The following KCNT2 variants were observed in gnomAD, a reference collection of about 807,000 sequenced individuals.
KCNT2 encodes the protein potassium sodium-activated channel subfamily T member 2.
Under a neutral mutation model 153.8 loss-of-function variants are expected in KCNT2, and 67 were observed. The observed-to-expected ratio is 0.44, with a 90% CI of 0.36 to 0.53. KCNT2 has a LOEUF of 0.53. Among genes scored for constraint, KCNT2 ranks in the 20% least tolerant of loss-of-function variants. The probability of loss-of-function intolerance (pLI) is 0.00; values close to 1 mark genes in which losing one functional copy is unlikely to be tolerated. For missense variants in KCNT2, 975 were observed against 1,354.8 expected, an observed-to-expected ratio of 0.72 and a Z score of 4.40; for synonymous variants, 500 against 458.8, an observed-to-expected ratio of 1.09 and a Z score of -1.15.
chr1:196,385,551 C>T (rs1572253698), intron 13 of KCNT2, among the ~76,000 whole-genome samples: 1 of 151,696 alleles, frequency 6.6e-6, no homozygotes, highest in East Asian at 1.9e-4. Context: ...AATCGCCAAA[C>T]AGAAAATAAG....
chr1:196,235,910 G>C (rs984495611), intron 27 of KCNT2, 76 bp downstream of exon 27: 2 of 868,366 alleles, frequency 2.3e-6, no homozygotes, highest in Middle Eastern at 4.8e-4. Flanking sequence ...GGCTATTATG[G>C]CCTAAATATA....
At chr1:196,378,665 A>G (rs1669181245) in intron 13 of KCNT2, among the ~76,000 whole-genome samples, 2 of 149,548 alleles carry the variant, frequency 1.3e-5, no homozygotes, top group Admixed American at 6.7e-5. Context: ...TATGTATTAT[A>G]TATATTTATA....
chr1:196,346,039 T>A (rs1666113078), intron 14 of KCNT2, among the ~76,000 whole-genome samples: 1 of 152,158 alleles, frequency 6.6e-6, no homozygotes. Flanking sequence ...TTTATTTTTT[T>A]AAATCTGGAA....
In KCNT2 at chr1:196,557,069, A is replaced by G. The variant is rs149272217; in HGVS notation, c.95+51146T>C. 6.7e-4 allele frequency among the ~76,000 whole-genome samples: 101 copies of G among 151,300 alleles called. 1 individual carries two copies. Among genetic ancestry groups the G allele is most frequent in the African/African-American group, 2.3e-3 (96 of 41,462 alleles). On this transcript the variant is annotated intron_variant, in intron 1 of 27. Transcript: ENST00000294725. ...GAGTTAGGAAAAATGAATAAGACTT[A>G]GTATTTGACAGCACAAGAGGGGGTC...
At chr1:196,511,460 A>C (rs1409694496) in intron 1 of KCNT2, among the ~76,000 whole-genome samples, 1 of 152,232 alleles carries the variant, frequency 6.6e-6, no homozygotes, top group Admixed American at 6.5e-5. Context: ...AATAGATGTT[A>C]CAGGCACTTA....
rs185256952 is a variant in KCNT2, at chr1:196,482,020, T to C, written c.324+311A>G. Among the ~76,000 whole-genome samples, 39 of 152,256 alleles carry C rather than the reference T, an allele frequency of 2.6e-4. No individual in the cohort carries two copies. In the East Asian group the frequency reaches 5.4e-3, roughly 21 times the overall value. On this transcript the variant is annotated intron_variant, in intron 4 of 27. Coordinates refer to ENST00000294725, the MANE Select transcript of KCNT2 (RefSeq NM_198503.5). ...GCTTTGAGTAACCTTAAAGGAATCA[T>C]ATAACAGGAATACTTAATGTAGTTT...
chr1:196,593,384 C>G (rs182911206), intron 1 of KCNT2, among the ~76,000 whole-genome samples: 1 of 147,970 alleles, frequency 6.8e-6, no homozygotes, highest in Non-Finnish European at 1.5e-5. Flanking sequence ...TTTTCTTTAT[C>G]CACTCATTGA....
At chr1:196,257,872 A>G in intron 26 of KCNT2, 2 of 984,282 alleles carry the variant, frequency 2.0e-6, no homozygotes, top group Non-Finnish European at 2.4e-6. Context: ...TGATAATTAG[A>G]AGGCTACCTG....
chr1:196,379,051 G>C (rs1669226604), intron 13 of KCNT2, among the ~76,000 whole-genome samples: 1 of 151,590 alleles, frequency 6.6e-6, no homozygotes, highest in Non-Finnish European at 1.5e-5. Flanking sequence ...ACTAGGGTTT[G>C]TCTGATGGGA....
intron 1 of KCNT2, among the ~76,000 whole-genome samples, chr1:196,599,955 C>G (rs1664526635): frequency 6.6e-6 from 1 of 152,136 alleles, no homozygotes; most frequent in Non-Finnish European, 1.5e-5. Context: ...TCAAGAGAGA[C>G]AAATAAGTCT....
At chr1:196,552,845 A>G (rs1209925351) in intron 1 of KCNT2, among the ~76,000 whole-genome samples, 1 of 151,304 alleles carries the variant, frequency 6.6e-6, no homozygotes, top group African/African-American at 2.4e-5. Context: ...TTAAGTTGTC[A>G]GCAGTTTAAA....
At chr1:196,258,710 CCTGTATCCTCTGGTACAAA>C (rs1412309237) in intron 25 of KCNT2, 1 of 587,410 alleles carries the variant, frequency 1.7e-6, no homozygotes, top group Non-Finnish European at 3.0e-6. Context: ...AAAATAAATA[CCTGTATCCTCTGGTACAAA>C]TTTTTATGAA....
intron 8 of KCNT2, among the ~76,000 whole-genome samples, chr1:196,449,520 G>GT (rs1675971413): frequency 6.6e-6 from 1 of 151,718 alleles, no homozygotes. Flanking sequence ...ATTAACCTGG[G>GT]TAGGAGATAT....
chr1:196,595,506 T>C (rs765249231), intron 1 of KCNT2, among the ~76,000 whole-genome samples: 38 of 152,200 alleles, frequency 2.5e-4, no homozygotes, highest in Admixed American at 5.2e-4. Flanking sequence ...CTGGGGATAC[T>C]AAAATCCACA....
chr1:196,462,341 G>A (rs1332169091), intron 8 of KCNT2, among the ~76,000 whole-genome samples: 1 of 151,634 alleles, frequency 6.6e-6, no homozygotes, highest in African/African-American at 2.4e-5. Context: ...TGTACCAAGA[G>A]AGCGATGCTA....
At chr1:196,433,695 A>G (rs1674361234) in intron 8 of KCNT2, among the ~76,000 whole-genome samples, 1 of 152,130 alleles carries the variant, frequency 6.6e-6, no homozygotes, top group Non-Finnish European at 1.5e-5. Flanking sequence ...TATGACAACC[A>G]TGAAGAAATA....
chr1:196,527,316 G>A (rs1345932853), intron 1 of KCNT2, among the ~76,000 whole-genome samples: 1 of 152,122 alleles, frequency 6.6e-6, no homozygotes, highest in Non-Finnish European at 1.5e-5. Context: ...ATAAGCTTCA[G>A]TAACTTGTCT....
chr1:196,604,322 G>A (rs763290775), intron 1 of KCNT2, among the ~76,000 whole-genome samples: 8 of 151,990 alleles, frequency 5.3e-5, no homozygotes, highest in Non-Finnish European at 7.4e-5. Flanking sequence ...ATTCTTTTCC[G>A]TATTTGTCCC....
At chr1:196,388,633 C>T (rs1013889250) in intron 13 of KCNT2, among the ~76,000 whole-genome samples, 1 of 151,504 alleles carries the variant, frequency 6.6e-6, no homozygotes, top group Non-Finnish European at 1.5e-5. Context: ...TCTCCCATAT[C>T]TATTTCATAC....
Sources: gnomAD v4.1 joint callset for allele counts (sites outside exome capture counted in the v4.1 genomes callset) on GRCh38, gnomAD v4.1.1 for gene constraint, MANE v1.5 for transcripts, NCBI Gene and HGNC (gene_info 2026-07-23, HGNC 2026-07-21) for gene names.